STK33: variants seen among roughly 807,000 people sequenced by gnomAD.
The protein encoded by STK33 is serine/threonine-protein kinase 33.
A neutral mutation model predicts 58.0 loss-of-function variants in STK33; 52 were observed. The ratio of observed to expected loss-of-function variants is 0.90; its 90% CI spans 0.72 to 1.13. The LOEUF (loss-of-function observed/expected upper bound fraction) is 1.13. STK33 is among the 50% of genes most tolerant of loss of function. STK33 has a pLI of 0.00. For missense variants in STK33, 630 were observed against 604.2 expected, an observed-to-expected ratio of 1.04 and a Z score of -0.45; for synonymous variants, 215 against 200.1, an observed-to-expected ratio of 1.07 and a Z score of -0.63.
At chr11:8,401,789 T>A (rs1462148767) in intron 15 of STK33, among the ~76,000 whole-genome samples, 1 of 151,864 alleles carries the variant, frequency 6.6e-6, no homozygotes, top group Non-Finnish European at 1.5e-5. Context: ...AACAACCCCA[T>A]CAAAAAGTGG....
intron 1 of STK33, among the ~76,000 whole-genome samples, chr11:8,579,140 C>T (rs774678972): frequency 2.6e-5 from 4 of 151,988 alleles, no homozygotes; most frequent in Non-Finnish European, 5.9e-5. Context: ...TCAATCATTT[C>T]TGTCCATTTT....
intron 1 of STK33, among the ~76,000 whole-genome samples, chr11:8,500,192 T>C (rs1043230445): frequency 2.6e-5 from 4 of 152,116 alleles, no homozygotes; most frequent in Non-Finnish European, 4.4e-5. Context: ...CTGGAGGTCC[T>C]ACACTACAGC....
intron 1 of STK33, among the ~76,000 whole-genome samples, chr11:8,494,916 C>T (rs1950933343): frequency 6.6e-6 from 1 of 152,176 alleles, no homozygotes; most frequent in Non-Finnish European, 1.5e-5. Flanking sequence ...AACTGCATCC[C>T]TTCCTTACAC....
intron 1 of STK33, among the ~76,000 whole-genome samples, chr11:8,576,609 CT>C (rs141612438): frequency 0.013 from 2,026 of 152,100 alleles, 53 homozygotes; most frequent in African/African-American, 0.048. Flanking sequence ...TATTAAATAC[CT>C]TTTTTGTGCC....
chr11:8,347,272 C>T, the STK33 span, among the ~76,000 whole-genome samples: 76 of 152,314 alleles, frequency 5.0e-4, no homozygotes, highest in Admixed American at 1.0e-3. Context: ...TTTTGGGCTT[C>T]ACTGGTCTCA....
chr11:8,417,807 G>A (rs1355918172), intron 14 of STK33, among the ~76,000 whole-genome samples: 2 of 152,106 alleles, frequency 1.3e-5, no homozygotes, highest in African/African-American at 4.8e-5. Flanking sequence ...TATTCCCTGT[G>A]TCGGTGAGGG....
chr11:8,582,867 T>A (rs564682042), intron 1 of STK33, among the ~76,000 whole-genome samples: 2 of 152,120 alleles, frequency 1.3e-5, no homozygotes, highest in Non-Finnish European at 2.9e-5. Flanking sequence ...GGCCACAACA[T>A]AGCATCAGTA....
At chr11:8,410,791 A>G (rs994769262) in intron 15 of STK33, among the ~76,000 whole-genome samples, 11 of 152,206 alleles carry the variant, frequency 7.2e-5, no homozygotes, top group African/African-American at 2.7e-4. Flanking sequence ...TTCTATTTTC[A>G]TTAAACAAAT....
intron 1 of STK33, among the ~76,000 whole-genome samples, chr11:8,523,813 G>A (rs1953773694): frequency 2.6e-5 from 4 of 152,366 alleles, no homozygotes; most frequent in East Asian, 1.9e-4. Flanking sequence ...CCCTGTCTGG[G>A]AGGTGTACCC....
the STK33 span, among the ~76,000 whole-genome samples, chr11:8,368,184 G>A: frequency 6.6e-6 from 1 of 152,150 alleles, no homozygotes; most frequent in South Asian, 2.1e-4. Context: ...TCAGCTATGG[G>A]GGAAGGATTC....
chr11:8,485,323 T>C (rs1748351037), intron 1 of STK33, among the ~76,000 whole-genome samples: 1 of 152,206 alleles, frequency 6.6e-6, no homozygotes, highest in African/African-American at 2.4e-5. Context: ...GATAAAATTA[T>C]ATACTTTTAC....
At chr11:8,346,823 C>G in the STK33 span, among the ~76,000 whole-genome samples, 2 of 152,128 alleles carry the variant, frequency 1.3e-5, no homozygotes, top group African/African-American at 4.8e-5. Context: ...GGAACACGAG[C>G]TATCTGGAGA....
intron 1 of STK33, among the ~76,000 whole-genome samples, chr11:8,493,899 C>A (rs943943749): frequency 4.6e-5 from 7 of 152,120 alleles, no homozygotes; most frequent in Non-Finnish European, 7.4e-5. Flanking sequence ...ATTCAACAGC[C>A]CTTCATGCTA....
chr11:8,572,800 T>C (rs375780555), intron 1 of STK33, among the ~76,000 whole-genome samples: 13 of 151,282 alleles, frequency 8.6e-5, no homozygotes, highest in African/African-American at 2.9e-4. Flanking sequence ...ATGCAATAGA[T>C]AGAATTAACA....
chr11:8,593,101 T>C (rs2032869884), intron 1 of STK33, among the ~76,000 whole-genome samples: 1 of 152,200 alleles, frequency 6.6e-6, no homozygotes, highest in South Asian at 2.1e-4. Flanking sequence ...GGCCAAGATT[T>C]CTGATTTGCA....
chr11:8,376,275 C>A, the STK33 span, among the ~76,000 whole-genome samples: 1 of 152,152 alleles, frequency 6.6e-6, no homozygotes, highest in Non-Finnish European at 1.5e-5. Context: ...CTAAGCATGT[C>A]ACGGGGGCAA....
At chr11:8,488,104 A>G (rs1249470782) in intron 1 of STK33, among the ~76,000 whole-genome samples, 1 of 152,196 alleles carries the variant, frequency 6.6e-6, no homozygotes, top group Non-Finnish European at 1.5e-5. Flanking sequence ...TTATTTTACC[A>G]TCTAGTGGTT....
intron 1 of STK33, among the ~76,000 whole-genome samples, chr11:8,559,528 T>G (rs1382294827): frequency 2.0e-5 from 3 of 152,242 alleles, no homozygotes; most frequent in Non-Finnish European, 4.4e-5. Flanking sequence ...TAGTACGTCA[T>G]GCAAAGTAGG....
intron 1 of STK33, among the ~76,000 whole-genome samples, chr11:8,563,128 G>C (rs1401143359): frequency 6.6e-6 from 1 of 152,140 alleles, no homozygotes; most frequent in African/African-American, 2.4e-5. Context: ...GCAAAAATGA[G>C]TAAGTACCCT....
Sources: allele counts gnomAD v4.1 joint callset (sites outside exome capture counted in the v4.1 genomes callset), GRCh38; gene constraint gnomAD v4.1.1; transcripts MANE v1.5; gene names NCBI Gene and HGNC (gene_info 2026-07-23, HGNC 2026-07-21).